CAST: variants seen among roughly 807,000 people sequenced by gnomAD.
CAST encodes MIR583 host.
CAST carries 76 observed loss-of-function variants against 119.6 expected under a neutral mutation model. That is an observed-to-expected ratio of 0.64 (90% CI 0.53 to 0.77). CAST has a LOEUF of 0.77. Ranked by LOEUF, CAST falls within the 30% of genes least tolerant of loss-of-function variation. CAST has a pLI of 0.00. For synonymous variants in CAST, 319 were observed against 331.6 expected (o/e 0.96, Z 0.41); for missense variants, 953 against 946.5 (o/e 1.01, Z -0.09).
intron 12 of CAST, 107 bp downstream of exon 12, chr5:96,740,225 G>C (rs1289490465): frequency 1.6e-6 from 1 of 630,810 alleles, no homozygotes; most frequent in African/African-American, 1.9e-5. Context: ...AATGGTGCTT[G>C]TGAAATTGTC....
intron 29 of CAST, chr5:96,769,852 TC>T (rs1433924082): frequency 1.3e-5 from 2 of 149,762 alleles, no homozygotes; most frequent in African/African-American, 4.9e-5. Flanking sequence ...CTGGCTTATA[TC>T]ATCTAGTATA....
At chr5:96,493,530 A>C in the CAST span, among the ~76,000 whole-genome samples, 6 of 152,318 alleles carry the variant, frequency 3.9e-5, no homozygotes, top group South Asian at 1.2e-3. Flanking sequence ...GTCCCTTGGA[A>C]ATTCTAAACC....
rs755399286 is a variant in CAST, at chr5:96,757,428, T to A, written c.1711-16T>A. 1.3e-4 allele frequency: 203 copies of A among 1,612,502 alleles called. No individual in the cohort carries two copies. The highest frequency in any genetic ancestry group is 1.7e-4 in the Non-Finnish European group (199 of 1,178,642). On this transcript the variant is annotated splice_polypyrimidine_tract_variant and intron_variant, in intron 22 of 31. Coordinates refer to ENST00000675179, the MANE Select transcript of CAST (RefSeq NM_001750.7). ...TGTAAAATGATTTCATGCCATGTGT[T>A]TTCCCCCCCGGATAGGATAAAGATG...
At chr5:96,480,746 G>A in the CAST span, among the ~76,000 whole-genome samples, 49 of 152,306 alleles carry the variant, frequency 3.2e-4, no homozygotes, top group Admixed American at 1.2e-3. Flanking sequence ...AAAGAATAAA[G>A]TGCTTTAGGA....
At chr5:96,238,223 G>T in the CAST span, among the ~76,000 whole-genome samples, 1 of 151,730 alleles carries the variant, frequency 6.6e-6, no homozygotes, top group Non-Finnish European at 1.5e-5. Context: ...TTTAAAAAAT[G>T]ACATCACACT....
the CAST span, among the ~76,000 whole-genome samples, chr5:96,069,990 A>C: frequency 6.6e-6 from 1 of 152,116 alleles, no homozygotes; most frequent in South Asian, 2.1e-4. Context: ...TGTCTCTACA[A>C]AAATAAACCA....
the CAST span, among the ~76,000 whole-genome samples, chr5:96,274,153 G>A: frequency 6.6e-6 from 1 of 151,598 alleles, no homozygotes; most frequent in Non-Finnish European, 1.5e-5. Flanking sequence ...CTAGGTTGGA[G>A]TGCAGTGGCG....
chr5:95,974,224 C>T, the CAST span, among the ~76,000 whole-genome samples: 1 of 152,182 alleles, frequency 6.6e-6, no homozygotes, highest in Admixed American at 6.5e-5. Flanking sequence ...TGGTGGGAAC[C>T]AGCTGTTATG....
the CAST span, among the ~76,000 whole-genome samples, chr5:96,374,814 G>A: frequency 1.3e-5 from 2 of 152,152 alleles, no homozygotes; most frequent in Non-Finnish European, 1.5e-5. Flanking sequence ...TGGTAGTTGT[G>A]GTGGAAGAAA....
the CAST span, among the ~76,000 whole-genome samples, chr5:96,388,786 A>G: frequency 6.6e-6 from 1 of 152,166 alleles, no homozygotes; most frequent in East Asian, 1.9e-4. Flanking sequence ...TGGTTAATCC[A>G]ATAGTTACCA....
intron 4 of CAST, 23 bp downstream of exon 4, chr5:96,722,721 G>A (rs1758521785): frequency 6.4e-7 from 1 of 1,557,396 alleles, no homozygotes; most frequent in Non-Finnish European, 8.9e-7. Flanking sequence ...CTAATTGAGT[G>A]AGTGCTAATT....
intron 1 of CAST, among the ~76,000 whole-genome samples, chr5:96,555,512 G>C (rs146173828): frequency 2.0e-5 from 3 of 152,154 alleles, no homozygotes; most frequent in Admixed American, 6.5e-5. Context: ...CTAGGAAATC[G>C]GGTCACTCCC....
intron 1 of CAST, among the ~76,000 whole-genome samples, chr5:96,572,721 T>C (rs1746593072): frequency 6.6e-6 from 1 of 152,184 alleles, no homozygotes; most frequent in Non-Finnish European, 1.5e-5. Flanking sequence ...CCTGGGTCCC[T>C]GGGCTGAAAA....
intron 1 of CAST, among the ~76,000 whole-genome samples, chr5:96,638,862 T>C (rs1260148079): frequency 1.3e-5 from 2 of 152,206 alleles, no homozygotes; most frequent in African/African-American, 4.8e-5. Context: ...CTTTTACCAC[T>C]GCAGAACTTC....
At chr5:96,068,463 C>T in the CAST span, among the ~76,000 whole-genome samples, 6 of 152,150 alleles carry the variant, frequency 3.9e-5, no homozygotes, top group South Asian at 6.2e-4. Flanking sequence ...TTCTCCTGCT[C>T]CATATTCCCT....
chr5:96,523,952 TC>T (rs1745558378), upstream of CAST, among the ~76,000 whole-genome samples: 1 of 152,190 alleles, frequency 6.6e-6, no homozygotes, highest in African/African-American at 2.4e-5. Flanking sequence ...ATTACCAGTA[TC>T]CCCGTCTCCA....
the CAST span, among the ~76,000 whole-genome samples, chr5:96,316,759 A>C: frequency 6.6e-6 from 1 of 152,176 alleles, no homozygotes; most frequent in East Asian, 1.9e-4. Context: ...GGGCCAAAAG[A>C]CTATACTAAT....
Position 96,578,379 on chromosome 5 carries a change from C to G in CAST, c.60+48499C>G, listed in dbSNP as rs567910368. 3.3e-5 allele frequency among the ~76,000 whole-genome samples: 5 copies of G among 150,528 alleles called. No homozygotes were observed. The East Asian group carries it at 9.8e-4, about 30-fold the overall frequency. ...GAGCATATGCTCAACTGTATGCGGT[C>G]CATAAGAAAATAGGTAATACAATCT... On this transcript the variant is annotated intron_variant, in intron 1 of 11. Transcript: ENST00000505143.
chr5:96,033,620 G>A, the CAST span, among the ~76,000 whole-genome samples: 55 of 152,120 alleles, frequency 3.6e-4, no homozygotes, highest in East Asian at 3.1e-3. Flanking sequence ...CATTAGATCT[G>A]CATCTCATAC....
Sources: allele counts gnomAD v4.1 joint callset (sites outside exome capture counted in the v4.1 genomes callset), GRCh38; gene constraint gnomAD v4.1.1; transcripts MANE v1.5; gene names NCBI Gene and HGNC (gene_info 2026-07-23, HGNC 2026-07-21).